The following ANKS1B variants were observed in gnomAD, a reference collection of about 807,000 sequenced individuals.
ANKS1B encodes the protein ankyrin repeat and sterile alpha motif domain containing 1B, also known as ankyrin repeat and sterile alpha motif domain-containing protein 1B.
A neutral mutation model predicts 148.3 loss-of-function variants in ANKS1B; 36 were observed. That is an observed-to-expected ratio of 0.24 (90% CI 0.19 to 0.32). The LOEUF (loss-of-function observed/expected upper bound fraction) is 0.32. ANKS1B is among the 10% of genes least tolerant of loss of function. The pLI is 1.00. For synonymous variants in ANKS1B, 542 were observed against 560.8 expected (o/e 0.97, Z 0.47); for missense variants, 1,157 against 1,542.6 (o/e 0.75, Z 4.19).
At chr12:99,471,767 A>G (rs922807351) in intron 10 of ANKS1B, among the ~76,000 whole-genome samples, 1 of 152,084 alleles carries the variant, frequency 6.6e-6, no homozygotes, top group African/African-American at 2.4e-5. Context: ...TACTCTTCCA[A>G]ATATACTTAA....
At chr12:99,597,055 G>A (rs1004168491) in intron 9 of ANKS1B, among the ~76,000 whole-genome samples, 2 of 151,796 alleles carry the variant, frequency 1.3e-5, no homozygotes, top group Non-Finnish European at 1.5e-5. Flanking sequence ...TACCAACAAT[G>A]CATAAAATTC....
chr12:99,365,526 G>A (rs140691238), intron 12 of ANKS1B, among the ~76,000 whole-genome samples: 1 of 152,310 alleles, frequency 6.6e-6, no homozygotes, highest in East Asian at 1.9e-4. Context: ...CGGGTATAGA[G>A]AGTGGAGAGT....
intron 9 of ANKS1B, chr12:98,735,654 T>C (rs1432530336): frequency 1.3e-6 from 1 of 759,624 alleles, no homozygotes; most frequent in Admixed American, 1.7e-5. Flanking sequence ...AGAGAATTCA[T>C]TTATTTATTC....
intron 16 of ANKS1B, among the ~76,000 whole-genome samples, chr12:99,080,973 G>A (rs1057452616): frequency 3.9e-5 from 6 of 152,190 alleles, no homozygotes; most frequent in Non-Finnish European, 7.3e-5. Flanking sequence ...TGGGGTTGGT[G>A]AGGGAAGTAG....
intron 9 of ANKS1B, among the ~76,000 whole-genome samples, chr12:99,596,885 C>A (rs192619870): frequency 6.6e-6 from 1 of 151,700 alleles, no homozygotes; most frequent in South Asian, 2.1e-4. Flanking sequence ...AGTGCAGGAC[C>A]GAGGAGACCA....
chr12:98,963,014 T>C (rs534665492), intron 17 of ANKS1B, among the ~76,000 whole-genome samples: 3 of 151,686 alleles, frequency 2.0e-5, no homozygotes, highest in African/African-American at 7.2e-5. Flanking sequence ...AAATAAACAA[T>C]GTAACAATGC....
intron 17 of ANKS1B, among the ~76,000 whole-genome samples, chr12:98,848,756 T>TTTTTTTTTTTTTTTTTTTTTTTAG: frequency 7.1e-6 from 1 of 140,598 alleles, no homozygotes; most frequent in Non-Finnish European, 1.5e-5. Context: ...TTTTTTTTTT[T>TTTTTTTTTTTTTTTTTTTTTTTAG]GAGACGGAGT....
chr12:98,854,677 G>T lies in ANKS1B; in HGVS notation c.2779-22541C>A, dbSNP rs562142204. Among the ~76,000 whole-genome samples, 12 of 152,306 alleles carry T rather than the reference G, an allele frequency of 7.9e-5. No homozygotes were observed. The East Asian group carries it at 2.3e-3, about 29-fold the overall frequency. On this transcript the variant is annotated intron_variant, in intron 17 of 26. Coordinates refer to ENST00000683438, the MANE Select transcript of ANKS1B (RefSeq NM_001352186.2). ...TGCATTTCTTACACACCTTTTAGGT[G>T]CCAGGAACGTATTTCTAAAGGCAGG... is the stretch of plus-strand genomic sequence containing the variant.
intron 12 of ANKS1B, among the ~76,000 whole-genome samples, chr12:99,348,819 C>T (rs1418781469): frequency 2.0e-5 from 3 of 151,854 alleles, no homozygotes; most frequent in Non-Finnish European, 2.9e-5. Context: ...GAAACAAAAA[C>T]ACACTAGACA....
At chr12:99,901,687 A>G (rs1311869075) in intron 1 of ANKS1B, among the ~76,000 whole-genome samples, 1 of 152,204 alleles carries the variant, frequency 6.6e-6, no homozygotes, top group African/African-American at 2.4e-5. Context: ...AAAAATGAAC[A>G]TAAGACTGCT....
intron 1 of ANKS1B, among the ~76,000 whole-genome samples, chr12:99,849,985 C>G (rs1603321030): frequency 6.6e-6 from 1 of 151,940 alleles, no homozygotes; most frequent in South Asian, 2.1e-4. Context: ...ATGACAAAAA[C>G]TAAGTCTTAA....
chr12:99,576,242 T>C (rs1483884045), intron 9 of ANKS1B, among the ~76,000 whole-genome samples: 1 of 151,084 alleles, frequency 6.6e-6, no homozygotes, highest in Non-Finnish European at 1.5e-5. Flanking sequence ...GAACCCAGAC[T>C]TATAAAACAA....
At chr12:99,495,549 TG>T (rs1051353797) in intron 10 of ANKS1B, among the ~76,000 whole-genome samples, 1 of 152,212 alleles carries the variant, frequency 6.6e-6, no homozygotes, top group Non-Finnish European at 1.5e-5. Context: ...GAACTAGCAC[TG>T]GTTTACAAAT....
intron 14 of ANKS1B, among the ~76,000 whole-genome samples, chr12:99,236,720 C>T (rs1426812708): frequency 1.3e-5 from 2 of 152,184 alleles, no homozygotes; most frequent in Non-Finnish European, 2.9e-5. Context: ...ATAAGGAGGG[C>T]ATGCTTGTCT....
chr12:98,762,069 G>A (rs942212874), intron 25 of ANKS1B, among the ~76,000 whole-genome samples: 1 of 152,214 alleles, frequency 6.6e-6, no homozygotes, highest in Non-Finnish European at 1.5e-5. Flanking sequence ...ATGCAGACAC[G>A]TTCAAGGGAA....
In ANKS1B at chr12:99,497,630, G is replaced by C. The variant is rs1302330759; in HGVS notation, c.1438+6846C>G. 5.9e-5 allele frequency among the ~76,000 whole-genome samples: 9 copies of C among 152,118 alleles called. No homozygotes were observed. The East Asian group carries it at 1.7e-3, about 29-fold the overall frequency. On this transcript the variant is annotated intron_variant, in intron 10 of 26. Transcript: ENST00000683438. ...TTAAATAAGGATACTGGTCATATTG[G>C]ATTAGGGTCCACTTAATGGCTTTAT...
chr12:99,217,766 A>G (rs907930786), intron 14 of ANKS1B, among the ~76,000 whole-genome samples: 8 of 152,186 alleles, frequency 5.3e-5, no homozygotes, highest in Non-Finnish European at 8.8e-5. Flanking sequence ...TAAGTTGTTG[A>G]GTGACTACTG....
chr12:98,908,102 T>C, intron 17 of ANKS1B, among the ~76,000 whole-genome samples: 1 of 152,184 alleles, frequency 6.6e-6, no homozygotes, highest in East Asian at 1.9e-4. Context: ...CTGACTCAAG[T>C]ACCAAGCACA....
rs1183525107 is a variant in ANKS1B, at chr12:99,403,160, T to C, written c.1576-3349A>G. On this transcript the variant is annotated intron_variant, in intron 11 of 26. Coordinates refer to ENST00000683438, the MANE Select transcript of ANKS1B (RefSeq NM_001352186.2). ...TCTGTTCACTTTTCTTTCTTTTTTT[T>C]TTTTTTTTTTTTTTTTTTGAGACGG... is the stretch of plus-strand genomic sequence containing the variant. 5.2e-5 allele frequency among the ~76,000 whole-genome samples: 6 copies of C among 114,612 alleles called. 1 individual carries two copies. The highest frequency in any genetic ancestry group is 2.6e-4 in the South Asian group (1 of 3,778). The allele number at this position is 114,612 out of a possible 152,430, so 75.2% of individuals were successfully genotyped here.
Sources: allele counts gnomAD v4.1 joint callset (sites outside exome capture counted in the v4.1 genomes callset), GRCh38; gene constraint gnomAD v4.1.1; transcripts MANE v1.5; gene names NCBI Gene and HGNC (gene_info 2026-07-23, HGNC 2026-07-21).